Variants in ERAP2 observed in about 807,000 individuals in gnomAD.
The protein encoded by ERAP2 is leukocyte-derived arginine aminopeptidase.
In ERAP2, 118 loss-of-function variants were observed where a neutral mutation model predicts 111.1. That is an observed-to-expected ratio of 1.06 (90% CI 0.92 to 1.24). The LOEUF (loss-of-function observed/expected upper bound fraction) is 1.24. Among genes scored for constraint, ERAP2 ranks in the 50% most tolerant of loss-of-function variants. The pLI is 0.00. For missense variants in ERAP2, 1,131 were observed against 1,125.8 expected, an observed-to-expected ratio of 1.00 and a Z score of -0.07; for synonymous variants, 410 against 401.2, an observed-to-expected ratio of 1.02 and a Z score of -0.26.
At chr5:96,900,579 T>A (rs1008304642) in intron 10 of ERAP2, among the ~76,000 whole-genome samples, 2 of 152,096 alleles carry the variant, frequency 1.3e-5, no homozygotes, top group African/African-American at 4.8e-5. Context: ...ATAGAATCAC[T>A]ACAGGAAAGA....
chr5:96,895,193 TTAA>T (rs1263609960), intron 6 of ERAP2, 50 bp from the exon 7 acceptor site: 1 of 1,118,154 alleles, frequency 8.9e-7, no homozygotes, highest in Non-Finnish European at 1.3e-6. Context: ...TTTGCTAAAG[TTAA>T]TAATTTTTAT....
chr5:96,905,802 T>C, intron 13 of ERAP2, among the ~76,000 whole-genome samples: 1 of 152,120 alleles, frequency 6.6e-6, no homozygotes, highest in East Asian at 1.9e-4. Flanking sequence ...ATGAATCGCT[T>C]GAACCCAGAA....
intron 13 of ERAP2, among the ~76,000 whole-genome samples, chr5:96,907,444 T>C (rs1786214957): frequency 6.6e-6 from 1 of 152,262 alleles, no homozygotes; most frequent in Non-Finnish European, 1.5e-5. Flanking sequence ...GTAGTTTTAA[T>C]ATGTCAAATA....
At chr5:96,911,469 A>C in intron 15 of ERAP2, among the ~76,000 whole-genome samples, 1 of 152,242 alleles carries the variant, frequency 6.6e-6, no homozygotes, top group Non-Finnish European at 1.5e-5. Context: ...AGGACAGAAA[A>C]TCATGTCACT....
chr5:96,906,666 G>A (rs1786120183), intron 13 of ERAP2, among the ~76,000 whole-genome samples: 2 of 152,262 alleles, frequency 1.3e-5, no homozygotes, highest in Non-Finnish European at 2.9e-5. Context: ...TAAGTTGAGT[G>A]GAATTGAAAT....
At chr5:96,885,722 G>A (rs11135482) in intron 3 of ERAP2, among the ~76,000 whole-genome samples, 79,774 of 148,598 alleles carry the variant, frequency 0.54, 20,951 homozygotes, top group Middle Eastern at 0.59. Context: ...AGCCTGTCTA[G>A]GAGTTGTGAC....
intron 3 of ERAP2, 91 bp downstream of exon 3, chr5:96,884,021 C>G: frequency 8.0e-7 from 1 of 1,249,212 alleles, no homozygotes; most frequent in Non-Finnish European, 1.1e-6. Context: ...GGATTTCAGC[C>G]ATTAATTTGT....
intron 6 of ERAP2, among the ~76,000 whole-genome samples, chr5:96,894,066 T>C (rs1784633508): frequency 6.6e-6 from 1 of 152,222 alleles, no homozygotes; most frequent in Admixed American, 6.5e-5. Context: ...CCTGCTTTAC[T>C]GTATTTATTT....
At chr5:96,896,960 C>A in intron 9 of ERAP2, 97 bp downstream of exon 9, 1 of 1,010,162 alleles carries the variant, frequency 9.9e-7, no homozygotes, top group Non-Finnish European at 1.4e-6. Context: ...TGTCAGTCAA[C>A]CATATTTATT....
rs548545575 is a variant in ERAP2 at position 96,911,972 on chromosome 5, G to A, written c.2355-665G>A. Among the ~76,000 whole-genome samples, 8 of 150,990 alleles carry A rather than the reference G, an allele frequency of 5.3e-5. No individual in the cohort carries two copies. In the East Asian group the frequency reaches 9.8e-4, roughly 18 times the overall value. ...TGGGAGGCTGAGGCGGGCGGATCAC[G>A]AGGTCAGGAAATCGAGACCATCCTG... On this transcript the variant is annotated intron_variant, in intron 15 of 18. Transcript: ENST00000437043.
At chr5:96,913,222 T>C (rs1465828708) in intron 16 of ERAP2, 95 bp from the exon 17 acceptor site, 1 of 980,746 alleles carries the variant, frequency 1.0e-6, no homozygotes. Context: ...ATCATGCCTC[T>C]TTCTGTTCTA....
intron 6 of ERAP2, among the ~76,000 whole-genome samples, chr5:96,892,959 T>C (rs1784526113): frequency 6.6e-6 from 1 of 152,182 alleles, no homozygotes; most frequent in South Asian, 2.1e-4. Flanking sequence ...AGTGTCCCCA[T>C]CTATAAAATT....
At chr5:96,894,708 CA>C (rs919681967) in intron 6 of ERAP2, among the ~76,000 whole-genome samples, 3 of 151,926 alleles carry the variant, frequency 2.0e-5, no homozygotes, top group Non-Finnish European at 4.4e-5. Context: ...TGAAGTAAGT[CA>C]GGGGCAGAGG....
At chr5:96,889,085 G>T (rs1784057870) in intron 4 of ERAP2, 100 bp from the exon 5 acceptor site, 17 of 1,396,838 alleles carry the variant, frequency 1.2e-5, no homozygotes, top group Non-Finnish European at 1.6e-5. Context: ...ATACTTTCTT[G>T]AAAAGATACA....
chr5:96,913,139 G>A (rs530084131), intron 16 of ERAP2, among the ~76,000 whole-genome samples, 178 bp from the exon 17 acceptor site: 1 of 152,126 alleles, frequency 6.6e-6, no homozygotes, highest in South Asian at 2.1e-4. Flanking sequence ...TTTTTGATAG[G>A]AACAAAATAA....
intron 5 of ERAP2, among the ~76,000 whole-genome samples, chr5:96,892,084 A>C (rs191785536): frequency 6.6e-6 from 1 of 152,186 alleles, no homozygotes; most frequent in African/African-American, 2.4e-5. Flanking sequence ...TACTTCATCT[A>C]CAAAACTCTT....
rs1265780055 is a variant in ERAP2, at chr5:96,902,319, T to C, written c.1794T>C (p.Asn598=). ...IPLTYSTSSS[N]VIHRHILKSK... is the part of the protein sequence containing the mutation. Reference sequence around the variant, plus strand: ...TGACCTACTCCACGAGTTCTTCTAATGTGATCCACAGACACATTCTAAAAT... The same window carrying C: ...TGACCTACTCCACGAGTTCTTCTAACGTGATCCACAGACACATTCTAAAAT... The change falls in exon 12 of 19, where the codon AAT becomes AAC. Residue 598 remains asparagine, a synonymous_variant. Transcript: ENST00000437043. 3 of 1,612,426 alleles carry C rather than the reference T, an allele frequency of 1.9e-6. No individual in the cohort carries two copies. The highest frequency in any genetic ancestry group is 8.5e-7 in the Non-Finnish European group (1 of 1,178,708).
intron 9 of ERAP2, among the ~76,000 whole-genome samples, chr5:96,898,319 C>G (rs1432146566): frequency 1.3e-5 from 2 of 151,916 alleles, no homozygotes; most frequent in Non-Finnish European, 1.5e-5. Context: ...ACTTATGGTC[C>G]AACTGATGTG....
At chr5:96,901,448 CCT>C in intron 10 of ERAP2, 56 bp from the exon 11 acceptor site, 2 of 1,552,062 alleles carry the variant, frequency 1.3e-6, no homozygotes, top group East Asian at 2.3e-5. Context: ...AGTTTCTGTC[CCT>C]CTGTCTTTGG....
Sources: gnomAD v4.1 joint callset for allele counts (sites outside exome capture counted in the v4.1 genomes callset) on GRCh38, gnomAD v4.1.1 for gene constraint, MANE v1.5 for transcripts, NCBI Gene and HGNC (gene_info 2026-07-23, HGNC 2026-07-21) for gene names.